The following NEMF variants were observed in gnomAD, a reference collection of about 807,000 sequenced individuals.
The protein encoded by NEMF is nuclear export mediator factor, also known as ribosome quality control complex subunit NEMF.
In NEMF, 89 loss-of-function variants were observed where a neutral mutation model predicts 162.2. The observed-to-expected ratio is 0.55, with a 90% CI of 0.46 to 0.65. NEMF has a LOEUF of 0.65. Among genes scored for constraint, NEMF ranks in the 30% least tolerant of loss-of-function variants. The pLI, the probability that NEMF is intolerant of heterozygous loss-of-function variation, is 0.00. For synonymous variants in NEMF, 421 were observed against 404.5 expected (o/e 1.04, Z -0.49); for missense variants, 1,133 against 1,261.9 (o/e 0.90, Z 1.55).
intron 7 of NEMF, chr14:49,834,015 G>A (rs1566697473): frequency 7.5e-6 from 3 of 398,928 alleles, no homozygotes; most frequent in Admixed American, 6.6e-5. Context: ...TGAGTGCACT[G>A]ATTTAGTATA....
chr14:49,844,325 GA>G (rs1420218670), intron 4 of NEMF, among the ~76,000 whole-genome samples: 1 of 152,160 alleles, frequency 6.6e-6, no homozygotes, highest in Non-Finnish European at 1.5e-5. Context: ...GCTCCTATAA[GA>G]ATCTAATGCC....
At chr14:49,802,836 T>C in intron 20 of NEMF, 109 bp from the exon 21 acceptor site, 1 of 744,666 alleles carries the variant, frequency 1.3e-6, no homozygotes, top group South Asian at 1.7e-5. Flanking sequence ...ATATCCATTT[T>C]GTCTTTTACT....
chr14:49,838,730 G>A (rs537005667), intron 5 of NEMF, among the ~76,000 whole-genome samples: 21 of 150,814 alleles, frequency 1.4e-4, no homozygotes, highest in South Asian at 1.1e-3. Flanking sequence ...GACTACAGGC[G>A]CCCGCCACCA....
intron 3 of NEMF, among the ~76,000 whole-genome samples, chr14:49,847,480 A>G (rs1317332081): frequency 6.6e-6 from 1 of 152,128 alleles, no homozygotes; most frequent in Non-Finnish European, 1.5e-5. Context: ...TTAGGATTAC[A>G]GGCGTGAGCC....
chr14:49,831,382 C>G lies in NEMF; in HGVS notation c.883-21G>C, dbSNP rs188706661. The G allele has an allele frequency of 8.4e-3, 12,658 of 1,505,442 alleles. 134 individuals are homozygous for G. The highest frequency in any genetic ancestry group is 0.034 in the South Asian group (2,947 of 87,124). 93.3% of individuals were successfully genotyped at this position (1,505,442 alleles called of 1,614,324 possible). A position where few individuals can be genotyped will look rare whatever the true frequency, so the allele number is the denominator to read the frequency against. On this transcript the variant is annotated intron_variant, in intron 10 of 32. Coordinates refer to ENST00000298310, the MANE Select transcript of NEMF (RefSeq NM_004713.6). ...ACCGCCTTATTAAAAAAACAAACAACTAGTTGGAAAAAAAAGCACAGTCTC... is the reference window on the plus strand; with the variant it reads ...ACCGCCTTATTAAAAAAACAAACAAGTAGTTGGAAAAAAAAGCACAGTCTC...
In NEMF at chr14:49,834,349, C is replaced by T; in HGVS notation, c.661+14G>A. ...AAAAATGAAATAAATGAAAAATGTACCATGCAGACATACCTTTAGTTTCAA... is the reference window on the plus strand; with the variant it reads ...AAAAATGAAATAAATGAAAAATGTATCATGCAGACATACCTTTAGTTTCAA... On this transcript the variant is annotated intron_variant, in intron 7 of 32. Transcript: ENST00000298310. The T allele has an allele frequency of 1.1e-5, 17 of 1,528,360 alleles. No homozygotes were observed. The highest frequency in any genetic ancestry group is 1.5e-5 in the Non-Finnish European group (17 of 1,106,306). 94.7% of individuals were successfully genotyped at this position (1,528,360 alleles called of 1,614,324 possible).
rs759819670 is a variant in NEMF, at chr14:49,803,218, T to C, written c.1915+19A>G. The C allele has an allele frequency of 2.5e-6, 4 of 1,573,196 alleles. No individual in the cohort carries two copies. Among genetic ancestry groups the C allele is most frequent in the Non-Finnish European group, 3.5e-6 (4 of 1,143,510 alleles). On this transcript the variant is annotated intron_variant, in intron 20 of 32. Transcript: ENST00000298310. ...ATCCATTGACAAGTCTAGTGATATT[T>C]TTCCTGTCAAGACATTACCTCTTAT...
intron 2 of NEMF, 44 bp downstream of exon 2, chr14:49,851,763 T>C: frequency 2.1e-6 from 3 of 1,453,186 alleles, no homozygotes; most frequent in Non-Finnish European, 2.9e-6. Context: ...AGTAATCTCA[T>C]ACTTAATTGT....
intron 23 of NEMF, 63 bp downstream of exon 23, chr14:49,800,357 A>C (rs1198166804): frequency 1.7e-6 from 2 of 1,188,906 alleles, no homozygotes; most frequent in Non-Finnish European, 2.3e-6. Flanking sequence ...TATCTTTGTA[A>C]GGATTACCTC....
chr14:49,824,169 C>CA (rs968888480), intron 16 of NEMF, among the ~76,000 whole-genome samples: 18 of 149,338 alleles, frequency 1.2e-4, no homozygotes, highest in Non-Finnish European at 2.2e-4. Flanking sequence ...GACTCTGTCT[C>CA]AAAAAAAATA....
rs1246794002 is a variant in NEMF, at chr14:49,819,333, A to G, written c.1578-4476T>C. ...ACTACGTGAGATGATGCATATGTTA[A>G]TGTGCTTGACTGTTTCATTTCATTA... On this transcript the variant is annotated intron_variant, in intron 16 of 32. Coordinates refer to ENST00000298310, the MANE Select transcript of NEMF (RefSeq NM_004713.6). Among the ~76,000 whole-genome samples, 3 of 152,046 alleles carry G rather than the reference A, an allele frequency of 2.0e-5. No individual in the cohort carries two copies. The South Asian group carries it at 6.2e-4, about 31-fold the overall frequency.
At chr14:49,786,918 C>G in intron 28 of NEMF, 168 bp from the exon 29 acceptor site, 1 of 595,584 alleles carries the variant, frequency 1.7e-6, no homozygotes, top group Non-Finnish European at 2.9e-6. Flanking sequence ...GAAGTGGATT[C>G]GTATATGTGT....
chr14:49,824,441 G>A (rs904321235), intron 16 of NEMF, among the ~76,000 whole-genome samples: 2 of 149,940 alleles, frequency 1.3e-5, no homozygotes, highest in Non-Finnish European at 1.5e-5. Context: ...TACTCCAGAG[G>A]CTGAGGCATG....
At chr14:49,797,233 T>G (rs56053777) in intron 25 of NEMF, 25,496 of 152,054 alleles carry the variant, frequency 0.17, 2,428 homozygotes, top group Non-Finnish European at 0.21. Flanking sequence ...GGCCTCTTCC[T>G]GGAGTGCTTT....
intron 22 of NEMF, among the ~76,000 whole-genome samples, chr14:49,801,885 C>T (rs1890971625): frequency 6.6e-6 from 1 of 152,114 alleles, no homozygotes; most frequent in Non-Finnish European, 1.5e-5. Flanking sequence ...TTATGCATTA[C>T]CCATTAAATA....
intron 16 of NEMF, among the ~76,000 whole-genome samples, chr14:49,822,770 T>C (rs1892144939): frequency 6.6e-6 from 1 of 150,538 alleles, no homozygotes; most frequent in Non-Finnish European, 1.5e-5. Flanking sequence ...ATGTGTGTGA[T>C]AGATTGTGGA....
intron 16 of NEMF, among the ~76,000 whole-genome samples, chr14:49,817,687 G>A (rs945003356): frequency 6.6e-6 from 1 of 152,030 alleles, no homozygotes; most frequent in Non-Finnish European, 1.5e-5. Flanking sequence ...GGACAAATTC[G>A]CAGAATATTA....
intron 19 of NEMF, 47 bp downstream of exon 19, chr14:49,805,974 A>C (rs760788198): frequency 1.4e-5 from 19 of 1,357,656 alleles, no homozygotes; most frequent in Non-Finnish European, 1.3e-5. Context: ...AATTTGGCAC[A>C]CAGTAGCTCT....
Position 49,784,482 on chromosome 14 carries a change from A to C in NEMF, c.*154T>G, listed in dbSNP as rs1221656656. 1 of 590,160 alleles carries C rather than the reference A, an allele frequency of 1.7e-6. No homozygotes were observed. Among genetic ancestry groups the C allele is most frequent in the Non-Finnish European group, 3.0e-6 (1 of 335,812 alleles). The allele number at this position is 590,160 out of a possible 1,614,324, so 36.6% of individuals were successfully genotyped here. Reference sequence around the variant, plus strand: ...GTGTTTCCTCTATATAAAACTGGGAAAAAACAAGAAGTAAGTCCTTTTGGT... The same window carrying C: ...GTGTTTCCTCTATATAAAACTGGGACAAAACAAGAAGTAAGTCCTTTTGGT... On this transcript the variant is annotated 3_prime_UTR_variant, in exon 33 of 33. Transcript: ENST00000298310.
Sources: gnomAD v4.1 joint callset for allele counts (sites outside exome capture counted in the v4.1 genomes callset) on GRCh38, gnomAD v4.1.1 for gene constraint, MANE v1.5 for transcripts, NCBI Gene and HGNC (gene_info 2026-07-23, HGNC 2026-07-21) for gene names.